TSC22D3: variants seen among roughly 807,000 people sequenced by gnomAD.
TSC22D3 encodes TSC22 domain family member 3.
Under a neutral mutation model 11.1 loss-of-function variants are expected in TSC22D3, and 4 were observed. That is an observed-to-expected ratio of 0.36 (90% CI 0.18 to 0.83). The LOEUF (loss-of-function observed/expected upper bound fraction) is 0.83. Ranked by LOEUF, TSC22D3 falls within the 40% of genes least tolerant of loss-of-function variation. The pLI, the probability that TSC22D3 is intolerant of heterozygous loss-of-function variation, is 0.48. For missense variants in TSC22D3, 118 were observed against 159.4 expected, an observed-to-expected ratio of 0.74 and a Z score of 1.40; for synonymous variants, 77 against 70.3, an observed-to-expected ratio of 1.10 and a Z score of -0.48.
At chrX:107,757,968 G>C (rs1421563783) in intron 1 of TSC22D3, among the ~76,000 whole-genome samples, 3 of 111,454 alleles carry the variant, frequency 2.7e-5, no homozygotes, top group Non-Finnish European at 5.6e-5. Flanking sequence ...GGAGGCTGCA[G>C]TGATCTGAGA....
chrX:107,752,172 A>G (rs1928964055), intron 1 of TSC22D3, among the ~76,000 whole-genome samples: 1 of 111,633 alleles, frequency 9.0e-6, no homozygotes, highest in Admixed American at 9.5e-5. Flanking sequence ...GAGAAAAGGG[A>G]GTATGAAAAA....
intron 1 of TSC22D3, among the ~76,000 whole-genome samples, chrX:107,725,723 T>G (rs757377729): frequency 1.3e-4 from 14 of 111,907 alleles, no homozygotes; most frequent in Non-Finnish European, 1.5e-4. Context: ...AATTTTTGCC[T>G]CTCTGTTAAG....
chrX:107,726,424 G>C (rs1283062193), intron 1 of TSC22D3, among the ~76,000 whole-genome samples: 4 of 111,816 alleles, frequency 3.6e-5, no homozygotes, highest in Non-Finnish European at 7.5e-5. Context: ...GACATTCAGT[G>C]TTGGGGGTGG....
chrX:107,757,719 C>T (rs1278099491), intron 1 of TSC22D3, among the ~76,000 whole-genome samples: 2 of 110,107 alleles, frequency 1.8e-5, no homozygotes, highest in Non-Finnish European at 3.8e-5. Context: ...TCCCCCTTTC[C>T]CCTCCCGTTC....
At chrX:107,731,566 CA>C (rs777722374) in intron 1 of TSC22D3, among the ~76,000 whole-genome samples, 1 of 111,943 alleles carries the variant, frequency 8.9e-6, no homozygotes, top group African/African-American at 3.2e-5. Flanking sequence ...ATGTGCTCAA[CA>C]AATGGATTAT....
intron 1 of TSC22D3, among the ~76,000 whole-genome samples, chrX:107,739,278 G>C (rs748202484): frequency 8.9e-6 from 1 of 112,880 alleles, no homozygotes; most frequent in Non-Finnish European, 1.9e-5. Context: ...CTGCTGCTGA[G>C]GGAAGGTGAA....
rs985391454 is a variant in TSC22D3, at chrX:107,714,219, C to A, written c.*300G>T. The A allele has an allele frequency of 5.7e-5, 15 of 264,624 alleles. No homozygotes were observed. Among genetic ancestry groups the A allele is most frequent in the African/African-American group, 4.1e-4 (15 of 36,545 alleles). 21.8% of individuals were successfully genotyped at this position (264,624 alleles called of 1,213,427 possible). A position where few individuals can be genotyped will look rare whatever the true frequency, so the allele number is the denominator to read the frequency against. Reference sequence around the variant, plus strand: ...TGTCACACCTCAAACTACCCTTCTCCTTTGCCAGTTGCAGCTAAGTTGCCC... The same window carrying A: ...TGTCACACCTCAAACTACCCTTCTCATTTGCCAGTTGCAGCTAAGTTGCCC... On this transcript the variant is annotated 3_prime_UTR_variant, in exon 3 of 3. Coordinates refer to ENST00000372383, the MANE Select transcript of TSC22D3 (RefSeq NM_198057.3).
chrX:107,753,695 T>C (rs937106542), intron 1 of TSC22D3, among the ~76,000 whole-genome samples: 2 of 111,593 alleles, frequency 1.8e-5, no homozygotes, highest in Non-Finnish European at 3.8e-5. Context: ...CAGAAATGAC[T>C]TCAGTATGCT....
chrX:107,733,299 C>T (rs756911531), intron 1 of TSC22D3, among the ~76,000 whole-genome samples: 5 of 111,827 alleles, frequency 4.5e-5, no homozygotes, highest in African/African-American at 9.8e-5. Flanking sequence ...AGAGAGCATG[C>T]GCACTTTCTA....
chrX:107,716,580 C>G, intron 1 of TSC22D3: 1 of 969,348 alleles, frequency 1.0e-6, no homozygotes, highest in Non-Finnish European at 1.3e-6. Flanking sequence ...GATGCTGCAC[C>G]GCGGGGAACA....
intron 1 of TSC22D3, among the ~76,000 whole-genome samples, chrX:107,750,977 A>G (rs1928908931): frequency 8.9e-6 from 1 of 112,325 alleles, no homozygotes; most frequent in African/African-American, 3.2e-5. Flanking sequence ...AAAGCCCAGC[A>G]TCTTTCTCAA....
At position 107,775,575 on chromosome X, in the gene TSC22D3, C is replaced by G; in HGVS notation, c.-156G>C. 2.3e-6 allele frequency: 1 copy of G among 441,218 alleles called. No individual in the cohort carries two copies. Among genetic ancestry groups the G allele is most frequent in the Non-Finnish European group, 3.9e-6 (1 of 258,557 alleles). 36.4% of individuals were successfully genotyped at this position (441,218 alleles called of 1,213,427 possible). A position where few individuals can be genotyped will look rare whatever the true frequency, so the allele number is the denominator to read the frequency against. ...AGCGCCTAAAGCCAGCCACCTTCGG[C>G]TCGGCCCCCTTCTGGCTGTACTGCT... is the stretch of plus-strand genomic sequence containing the variant. On this transcript the variant is annotated 5_prime_UTR_variant, in exon 1 of 3. Coordinates refer to ENST00000372383, the MANE Select transcript of TSC22D3 (RefSeq NM_198057.3).
At chrX:107,737,652 T>C (rs916854345) in intron 1 of TSC22D3, among the ~76,000 whole-genome samples, 1 of 112,072 alleles carries the variant, frequency 8.9e-6, no homozygotes, top group African/African-American at 3.2e-5. Flanking sequence ...TTTCTCCCAT[T>C]AAATGAAGTC....
chrX:107,746,669 A>G (rs1251343996), intron 1 of TSC22D3, among the ~76,000 whole-genome samples: 1 of 111,718 alleles, frequency 9.0e-6, no homozygotes, highest in Non-Finnish European at 1.9e-5. Flanking sequence ...ATACAGCATA[A>G]CAGCTGTTTT....
At chrX:107,751,361 G>C (rs746329026) in intron 1 of TSC22D3, among the ~76,000 whole-genome samples, 10 of 111,832 alleles carry the variant, frequency 8.9e-5, no homozygotes, top group Non-Finnish European at 1.9e-4. Context: ...ACACCGGGAA[G>C]GAGGTGGGGA....
intron 1 of TSC22D3, 109 bp from the exon 2 acceptor site, chrX:107,716,059 C>T: frequency 1.1e-6 from 1 of 877,310 alleles, no homozygotes; most frequent in South Asian, 2.3e-5. Context: ...CTCTCTCTCT[C>T]CTTCTCGCCT....
intron 1 of TSC22D3, among the ~76,000 whole-genome samples, chrX:107,742,466 T>C (rs765419378): frequency 2.6e-4 from 29 of 110,809 alleles, no homozygotes; most frequent in Non-Finnish European, 5.5e-4. Context: ...CTGCCTTCTG[T>C]GTGGCACATC....
At chrX:107,716,545 T>TTG in intron 1 of TSC22D3, 1 of 796,152 alleles carries the variant, frequency 1.3e-6, no homozygotes, top group Non-Finnish European at 1.5e-6. Context: ...CCTTCCTGCG[T>TTG]CCCCTCCCCC....
At chrX:107,744,953 A>G (rs1487162493) in intron 1 of TSC22D3, among the ~76,000 whole-genome samples, 3 of 111,759 alleles carry the variant, frequency 2.7e-5, no homozygotes, top group Non-Finnish European at 5.6e-5. Context: ...GATGGTCTCA[A>G]TGGTGCTTTT....
Sources: allele counts gnomAD v4.1 joint callset (sites outside exome capture counted in the v4.1 genomes callset), GRCh38; gene constraint gnomAD v4.1.1; transcripts MANE v1.5; gene names NCBI Gene and HGNC (gene_info 2026-07-23, HGNC 2026-07-21).